Variants in ARB2A observed in about 807,000 individuals in gnomAD.
The protein encoded by ARB2A is cotranscriptional regulator ARB2A.
the ARB2A span, among the ~76,000 whole-genome samples, chr5:93,986,563 TTCTG>T: frequency 6.6e-6 from 1 of 152,058 alleles, no homozygotes; most frequent in East Asian, 1.9e-4. Context: ...ACGATGGCGG[TTCTG>T]TCTAATGGAA....
At chr5:93,754,257 C>T in the ARB2A span, among the ~76,000 whole-genome samples, 1 of 152,162 alleles carries the variant, frequency 6.6e-6, no homozygotes, top group African/African-American at 2.4e-5. Context: ...GAGAGACAGA[C>T]AATAAACTTC....
chr5:93,915,652 T>G, the ARB2A span, among the ~76,000 whole-genome samples: 1 of 151,968 alleles, frequency 6.6e-6, no homozygotes, highest in Non-Finnish European at 1.5e-5. Flanking sequence ...AACCCAAATA[T>G]CTGAGAACCA....
the ARB2A span, among the ~76,000 whole-genome samples, chr5:93,908,733 A>G: frequency 6.6e-6 from 1 of 151,032 alleles, no homozygotes; most frequent in Non-Finnish European, 1.5e-5. Flanking sequence ...AGGTGAGGGT[A>G]TGTTACCTAA....
At chr5:93,663,678 G>T in the ARB2A span, among the ~76,000 whole-genome samples, 1 of 152,148 alleles carries the variant, frequency 6.6e-6, no homozygotes, top group Admixed American at 6.5e-5. Flanking sequence ...GTGGTGAGAG[G>T]CACAGCAGAA....
chr5:94,094,156 AT>A, the ARB2A span, among the ~76,000 whole-genome samples: 1 of 152,240 alleles, frequency 6.6e-6, no homozygotes, highest in Non-Finnish European at 1.5e-5. Flanking sequence ...TCAGGCTGCC[AT>A]AACAAAACTG....
the ARB2A span, among the ~76,000 whole-genome samples, chr5:93,723,259 C>T: frequency 1.1e-4 from 16 of 152,240 alleles, no homozygotes; most frequent in South Asian, 3.3e-3. Context: ...ACAACCTTAA[C>T]CTGTTAATAC....
chr5:94,109,239 G>A, the ARB2A span, among the ~76,000 whole-genome samples: 639 of 152,290 alleles, frequency 4.2e-3, 1 homozygote, highest in Middle Eastern at 0.014. Flanking sequence ...CAAATTCATA[G>A]AGGCAGAAAG....
At chr5:93,655,857 G>A in the ARB2A span, among the ~76,000 whole-genome samples, 1 of 152,108 alleles carries the variant, frequency 6.6e-6, no homozygotes, top group Admixed American at 6.6e-5. Flanking sequence ...CTCAATTCCT[G>A]TCTCAGTCAC....
At chr5:93,851,246 T>C in the ARB2A span, among the ~76,000 whole-genome samples, 2 of 152,168 alleles carry the variant, frequency 1.3e-5, no homozygotes, top group African/African-American at 2.4e-5. Context: ...ATTTCATTAT[T>C]TCAGGGAATG....
chr5:93,857,092 C>T, the ARB2A span, among the ~76,000 whole-genome samples: 1 of 152,200 alleles, frequency 6.6e-6, no homozygotes, highest in Non-Finnish European at 1.5e-5. Flanking sequence ...GGCTGCAGAA[C>T]AGCGGATTTT....
the ARB2A span, among the ~76,000 whole-genome samples, chr5:93,634,631 T>G: frequency 2.0e-5 from 3 of 152,070 alleles, no homozygotes; most frequent in African/African-American, 7.2e-5. Flanking sequence ...CATCAAAGAG[T>G]TTTAGTGCTA....
At chr5:93,863,733 T>G in the ARB2A span, 1 of 152,148 alleles carries the variant, frequency 6.6e-6, no homozygotes, top group Non-Finnish European at 1.5e-5. Flanking sequence ...TTGCATAATT[T>G]TAGCTCAATG....
the ARB2A span, among the ~76,000 whole-genome samples, chr5:93,677,588 A>G: frequency 1.3e-5 from 2 of 152,226 alleles, no homozygotes; most frequent in African/African-American, 4.8e-5. Context: ...ACGAGAGGCT[A>G]TTGTGAGGTC....
At chr5:94,077,168 A>G in the ARB2A span, among the ~76,000 whole-genome samples, 1 of 151,860 alleles carries the variant, frequency 6.6e-6, no homozygotes, top group Admixed American at 6.6e-5. Context: ...ACATCAGGAG[A>G]TGGAGACCAA....
At chr5:93,798,703 TCTAGTGTGACATGGGATAACAC>T in the ARB2A span, among the ~76,000 whole-genome samples, 2 of 152,142 alleles carry the variant, frequency 1.3e-5, no homozygotes, top group Non-Finnish European at 2.9e-5. Context: ...AGGTGTCACC[TCTAGTGTGACATGGGATAACAC>T]CAGTATCAGA....
the ARB2A span, among the ~76,000 whole-genome samples, chr5:93,950,914 A>G: frequency 1.3e-5 from 2 of 151,176 alleles, no homozygotes; most frequent in Non-Finnish European, 2.9e-5. Flanking sequence ...ACAGCACTCC[A>G]GCCTGGGTGA....
chr5:93,964,373 A>G, the ARB2A span: 1 of 1,045,498 alleles, frequency 9.6e-7, no homozygotes, highest in Non-Finnish European at 1.4e-6. Context: ...AACCCAAAAC[A>G]AAAGTTTTCT....
chr5:94,002,708 T>A, the ARB2A span, among the ~76,000 whole-genome samples: 1,759 of 151,798 alleles, frequency 0.012, 36 homozygotes, highest in African/African-American at 0.04. Context: ...TTCTTTTTTT[T>A]TAAAAAAAAA....
At chr5:94,046,293 A>G in the ARB2A span, among the ~76,000 whole-genome samples, 1 of 152,120 alleles carries the variant, frequency 6.6e-6, no homozygotes, top group Non-Finnish European at 1.5e-5. Flanking sequence ...ATGCAAATAC[A>G]ACGCTTTACC....
Sources: allele counts gnomAD v4.1 joint callset (sites outside exome capture counted in the v4.1 genomes callset), GRCh38; gene constraint gnomAD v4.1.1; transcripts MANE v1.5; gene names NCBI Gene and HGNC (gene_info 2026-07-23, HGNC 2026-07-21).